The following GALNT13 variants were observed in gnomAD, a reference collection of about 807,000 sequenced individuals.
The protein encoded by GALNT13 is UDP-GalNAc:polypeptide N-acetylgalactosaminyltransferase 13.
A neutral mutation model predicts 64.2 loss-of-function variants in GALNT13; 28 were observed. That is an observed-to-expected ratio of 0.44 (90% CI 0.32 to 0.60). GALNT13 has a LOEUF of 0.60. GALNT13 is among the 20% of genes least tolerant of loss of function. The probability of loss-of-function intolerance (pLI) is 0.05; values close to 1 mark genes in which losing one functional copy is unlikely to be tolerated. For missense variants in GALNT13, 577 were observed against 669.8 expected, an observed-to-expected ratio of 0.86 and a Z score of 1.53; for synonymous variants, 214 against 224.6, an observed-to-expected ratio of 0.95 and a Z score of 0.42.
At chr2:153,698,179 G>T in the GALNT13 span, among the ~76,000 whole-genome samples, 1 of 152,074 alleles carries the variant, frequency 6.6e-6, no homozygotes, top group Non-Finnish European at 1.5e-5. Flanking sequence ...TGAAGAAACT[G>T]CATCAACTAG....
At chr2:154,375,019 C>T (rs1048036908) in intron 9 of GALNT13, among the ~76,000 whole-genome samples, 1 of 152,124 alleles carries the variant, frequency 6.6e-6, no homozygotes, top group African/African-American at 2.4e-5. Flanking sequence ...GACAGAGTCT[C>T]GCTCTTGCCC....
chr2:153,553,337 GA>G, the GALNT13 span, among the ~76,000 whole-genome samples: 115 of 148,602 alleles, frequency 7.7e-4, no homozygotes, highest in African/African-American at 2.4e-3. Flanking sequence ...CATCTCTACA[GA>G]AAAAAAAAAT....
intron 11 of GALNT13, among the ~76,000 whole-genome samples, chr2:154,410,217 G>A (rs1699732516): frequency 6.6e-6 from 1 of 151,876 alleles, no homozygotes; most frequent in Admixed American, 6.6e-5. Context: ...TAATGAATGT[G>A]ACAGGCCTCT....
chr2:154,243,087 G>C (rs1689584786), intron 6 of GALNT13, among the ~76,000 whole-genome samples, 182 bp downstream of exon 6: 1 of 152,134 alleles, frequency 6.6e-6, no homozygotes, highest in Admixed American at 6.5e-5. Flanking sequence ...GCTGGACATA[G>C]ATAGTTGATT....
chr2:153,570,219 T>C, the GALNT13 span, among the ~76,000 whole-genome samples: 6 of 152,178 alleles, frequency 3.9e-5, no homozygotes, highest in African/African-American at 1.4e-4. Flanking sequence ...CCTTTTTATA[T>C]GCCTGTTTGC....
intron 8 of GALNT13, among the ~76,000 whole-genome samples, chr2:154,268,191 C>G (rs1691126616): frequency 6.6e-6 from 1 of 152,110 alleles, no homozygotes; most frequent in Admixed American, 6.6e-5. Context: ...ATCCAAATGT[C>G]CATCAGCAGG....
intron 11 of GALNT13, 192 bp downstream of exon 11, chr2:154,409,274 A>G (rs1470721751): frequency 1.7e-6 from 1 of 580,510 alleles, no homozygotes; most frequent in Non-Finnish European, 3.1e-6. Flanking sequence ...ATTAAAATAA[A>G]AAGAGCAACA....
At chr2:153,419,590 A>G in the GALNT13 span, among the ~76,000 whole-genome samples, 2 of 152,188 alleles carry the variant, frequency 1.3e-5, no homozygotes, top group South Asian at 4.1e-4. Flanking sequence ...TTGTGATGGA[A>G]CTGTTTTGTA....
chr2:153,634,066 T>A, the GALNT13 span, among the ~76,000 whole-genome samples: 1 of 152,154 alleles, frequency 6.6e-6, no homozygotes, highest in Non-Finnish European at 1.5e-5. Context: ...CAGAAGAATT[T>A]CCATAACTTT....
the GALNT13 span, among the ~76,000 whole-genome samples, chr2:153,110,532 G>C: frequency 3.3e-5 from 5 of 152,056 alleles, no homozygotes; most frequent in African/African-American, 4.8e-5. Flanking sequence ...GTCTAGTAAA[G>C]GAAAGGCCTT....
At chr2:154,387,630 G>A (rs1193612137) in intron 9 of GALNT13, among the ~76,000 whole-genome samples, 1 of 152,054 alleles carries the variant, frequency 6.6e-6, no homozygotes, top group Non-Finnish European at 1.5e-5. Context: ...CTACTTCTGT[G>A]AGTACAACTG....
At chr2:154,284,847 G>C (rs552103114) in intron 8 of GALNT13, among the ~76,000 whole-genome samples, 4 of 152,046 alleles carry the variant, frequency 2.6e-5, no homozygotes, top group Non-Finnish European at 5.9e-5. Context: ...ACATCCTCAT[G>C]TGGAGAGTGA....
rs148875086 is a variant in GALNT13 at position 154,126,438 on chromosome 2, A to T, written c.143-13899A>T. On this transcript the variant is annotated intron_variant, in intron 3 of 12. Coordinates refer to ENST00000392825, the MANE Select transcript of GALNT13 (RefSeq NM_052917.4). ...ATCACGAGGTCAGGGGATGGAGACC[A>T]TCCTGGCTAACATGGTGAAACCCCG... Among the ~76,000 whole-genome samples the T allele has an allele frequency of 2.4e-3, 369 of 152,206 alleles. 9 individuals carry two copies. The East Asian group carries it at 0.056, about 23-fold the overall frequency.
intron 6 of GALNT13, among the ~76,000 whole-genome samples, chr2:154,243,829 CAAGAT>C (rs1464070733): frequency 6.6e-6 from 1 of 152,148 alleles, no homozygotes; most frequent in Non-Finnish European, 1.5e-5. Context: ...ATTAGACACT[CAAGAT>C]AGGAGCTACT....
chr2:153,669,558 C>T, the GALNT13 span, among the ~76,000 whole-genome samples: 1 of 152,186 alleles, frequency 6.6e-6, no homozygotes, highest in Admixed American at 6.5e-5. Context: ...CTAGCAGTTG[C>T]TTCCAAGATG....
chr2:154,364,754 T>A (rs1697272369), intron 9 of GALNT13, among the ~76,000 whole-genome samples: 1 of 152,162 alleles, frequency 6.6e-6, no homozygotes, highest in Admixed American at 6.5e-5. Context: ...TCACCGCAAC[T>A]CCACCTCCCG....
the GALNT13 span, among the ~76,000 whole-genome samples, chr2:153,671,765 TAA>T: frequency 1.3e-5 from 2 of 152,038 alleles, no homozygotes; most frequent in Non-Finnish European, 2.9e-5. Flanking sequence ...GCAAATTGGA[TAA>T]AGAGTCAAGA....
chr2:153,795,496 A>C, the GALNT13 span, among the ~76,000 whole-genome samples: 10 of 152,018 alleles, frequency 6.6e-5, no homozygotes, highest in African/African-American at 2.4e-4. Flanking sequence ...CAAGTGATTT[A>C]TTTAGAAAAT....
the GALNT13 span, among the ~76,000 whole-genome samples, chr2:153,626,789 T>C: frequency 6.6e-6 from 1 of 152,044 alleles, no homozygotes; most frequent in Non-Finnish European, 1.5e-5. Flanking sequence ...GAATGTGAAA[T>C]AGAGACTCTA....
Sources: allele counts gnomAD v4.1 joint callset (sites outside exome capture counted in the v4.1 genomes callset), GRCh38; gene constraint gnomAD v4.1.1; transcripts MANE v1.5; gene names NCBI Gene and HGNC (gene_info 2026-07-23, HGNC 2026-07-21).